The following PPFIA2 variants were observed in gnomAD, a reference collection of about 807,000 sequenced individuals.
PPFIA2 encodes the protein liprin-alpha-2.
PPFIA2 carries 46 observed loss-of-function variants against 175.5 expected under a neutral mutation model. The observed-to-expected ratio is 0.26, with a 90% CI of 0.21 to 0.34. The LOEUF (loss-of-function observed/expected upper bound fraction) is 0.34, where lower values mean the gene tolerates loss of function less well. PPFIA2 is among the 10% of genes least tolerant of loss of function. The probability of loss-of-function intolerance (pLI) is 1.00; values close to 1 mark genes in which losing one functional copy is unlikely to be tolerated. For synonymous variants in PPFIA2, 568 were observed against 511.4 expected (o/e 1.11, Z -1.49); for missense variants, 1,179 against 1,506.1 (o/e 0.78, Z 3.60).
intron 21 of PPFIA2, among the ~76,000 whole-genome samples, chr12:81,326,922 T>C (rs1345716202): frequency 6.6e-6 from 1 of 152,130 alleles, no homozygotes; most frequent in East Asian, 1.9e-4. Context: ...TAAATAACTA[T>C]TGAAGACAAC....
intron 18 of PPFIA2, among the ~76,000 whole-genome samples, chr12:81,346,956 A>C (rs900903974): frequency 6.6e-6 from 1 of 151,770 alleles, no homozygotes; most frequent in African/African-American, 2.4e-5. Context: ...TCAAGAAGGA[A>C]TCTCACTCTG....
intron 4 of PPFIA2, among the ~76,000 whole-genome samples, chr12:81,528,282 T>C (rs1423349102): frequency 6.6e-6 from 1 of 151,942 alleles, no homozygotes; most frequent in Non-Finnish European, 1.5e-5. Flanking sequence ...ACTCAGATAG[T>C]GATATGGGTA....
At chr12:81,522,604 C>T (rs1048203037) in intron 4 of PPFIA2, among the ~76,000 whole-genome samples, 13 of 152,194 alleles carry the variant, frequency 8.5e-5, no homozygotes, top group African/African-American at 3.1e-4. Context: ...TACACTGCTG[C>T]AAATATATCT....
At chr12:81,447,618 T>C (rs2051545696) in intron 5 of PPFIA2, among the ~76,000 whole-genome samples, 1 of 152,190 alleles carries the variant, frequency 6.6e-6, no homozygotes, top group Non-Finnish European at 1.5e-5. Context: ...TTCTTCAGAA[T>C]ATTTTATGAT....
At chr12:81,375,598 T>A (rs2036179170) in intron 10 of PPFIA2, 198 bp downstream of exon 10, 10 of 603,364 alleles carry the variant, frequency 1.7e-5, no homozygotes, top group Non-Finnish European at 2.3e-5. Flanking sequence ...TTATTTGTAT[T>A]ACTATTAAGA....
chr12:81,261,392 T>G lies in PPFIA2; in HGVS notation c.*33+557A>C, dbSNP rs1458827825. Among the ~76,000 whole-genome samples, 7 of 152,214 alleles carry G rather than the reference T, an allele frequency of 4.6e-5. No homozygotes were observed. In the East Asian group the frequency reaches 1.4e-3, roughly 29 times the overall value. The stretch of plus-strand genomic sequence containing the variant: ...ACACCATGCCTGGCTACTTTTTGTG[T>G]TTTTAGTAGAGATGAGGTTTCACCA... On this transcript the variant is annotated intron_variant, in intron 32 of 32. Transcript: ENST00000549396.
rs534399485 is a variant in PPFIA2, at chr12:81,480,335, T to C, written c.304-22469A>G. 9.2e-5 allele frequency among the ~76,000 whole-genome samples: 14 copies of C among 152,192 alleles called. No individual in the cohort carries two copies. The South Asian group carries it at 2.9e-3, about 32-fold the overall frequency. On this transcript the variant is annotated intron_variant, in intron 4 of 32. Coordinates refer to ENST00000549396, the MANE Select transcript of PPFIA2 (RefSeq NM_003625.5). ...TAACCTTTTTTCAAGGTTCTTAGCT[T>C]CCTTGTATGGGGTTGGAACATGATG...
chr12:81,752,080 A>G (rs903072226), intron 3 of PPFIA2, among the ~76,000 whole-genome samples: 2 of 152,210 alleles, frequency 1.3e-5, no homozygotes, highest in African/African-American at 4.8e-5. Flanking sequence ...ATCAACTTCC[A>G]AGAAGAGTGG....
intron 5 of PPFIA2, among the ~76,000 whole-genome samples, chr12:81,446,758 C>A (rs1446552494): frequency 6.6e-6 from 1 of 152,054 alleles, no homozygotes; most frequent in Non-Finnish European, 1.5e-5. Flanking sequence ...AAGAAAACAA[C>A]TTTATTTTTT....
chr12:81,389,740 A>G (rs1014275276), intron 8 of PPFIA2, among the ~76,000 whole-genome samples: 2 of 152,068 alleles, frequency 1.3e-5, no homozygotes, highest in Admixed American at 6.6e-5. Flanking sequence ...TGGCACTTTA[A>G]TTTAAATGAC....
At chr12:81,603,449 T>A (rs926297136) in intron 4 of PPFIA2, among the ~76,000 whole-genome samples, 1 of 151,670 alleles carries the variant, frequency 6.6e-6, no homozygotes. Flanking sequence ...ATGGCCTTTG[T>A]ACTCATGGTA....
intron 4 of PPFIA2, among the ~76,000 whole-genome samples, chr12:81,490,800 T>A (rs2059345401): frequency 6.6e-6 from 1 of 151,984 alleles, no homozygotes; most frequent in Non-Finnish European, 1.5e-5. Flanking sequence ...CTTAGGCATT[T>A]GCTTATACTG....
chr12:81,655,894 T>C (rs1359949657), intron 4 of PPFIA2, among the ~76,000 whole-genome samples: 1 of 152,060 alleles, frequency 6.6e-6, no homozygotes, highest in Non-Finnish European at 1.5e-5. Context: ...GCTTTTCTAT[T>C]CTCCTTTTGA....
chr12:81,667,729 T>C (rs975187136), intron 4 of PPFIA2, among the ~76,000 whole-genome samples: 2 of 151,998 alleles, frequency 1.3e-5, no homozygotes, highest in Non-Finnish European at 2.9e-5. Context: ...CACTTAGAGT[T>C]ACAGGAATAA....
At chr12:81,672,481 A>C (rs2071605785) in intron 4 of PPFIA2, among the ~76,000 whole-genome samples, 1 of 151,988 alleles carries the variant, frequency 6.6e-6, no homozygotes, top group South Asian at 2.1e-4. Flanking sequence ...CTGTTTCCTC[A>C]GTGGGGAAAA....
intron 11 of PPFIA2, chr12:81,369,455 C>T (rs1389894848): frequency 1.1e-5 from 14 of 1,287,170 alleles, no homozygotes; most frequent in Admixed American, 3.2e-5. Context: ...GCAGACTGTG[C>T]ATGGTTTGAA....
intron 3 of PPFIA2, among the ~76,000 whole-genome samples, chr12:81,677,696 T>C (rs2072814679): frequency 6.6e-6 from 1 of 151,974 alleles, no homozygotes. Flanking sequence ...CTACTCTATT[T>C]CTACACATAG....
chr12:81,299,446 A>G, intron 22 of PPFIA2, 64 bp from the exon 23 acceptor site: 1 of 1,508,488 alleles, frequency 6.6e-7, no homozygotes, highest in Non-Finnish European at 8.9e-7. Context: ...ATTATTTTTA[A>G]TGATAATATT....
intron 3 of PPFIA2, among the ~76,000 whole-genome samples, chr12:81,743,489 G>A (rs2082625698): frequency 6.9e-6 from 1 of 144,190 alleles, no homozygotes; most frequent in African/African-American, 2.5e-5. Flanking sequence ...TGGCATCTTG[G>A]TAGAGTGGTG....
Sources: gnomAD v4.1 joint callset for allele counts (sites outside exome capture counted in the v4.1 genomes callset) on GRCh38, gnomAD v4.1.1 for gene constraint, MANE v1.5 for transcripts, NCBI Gene and HGNC (gene_info 2026-07-23, HGNC 2026-07-21) for gene names.